The following CASP10 variants were observed in gnomAD, a reference collection of about 807,000 sequenced individuals.
CASP10 encodes the protein caspase 10, also known as caspase-10.
Under a neutral mutation model 48.5 loss-of-function variants are expected in CASP10, and 41 were observed. The ratio of observed to expected loss-of-function variants is 0.85; its 90% CI spans 0.66 to 1.10. The LOEUF (loss-of-function observed/expected upper bound fraction) is 1.10, where lower values mean the gene tolerates loss of function less well. Ranked by LOEUF, CASP10 falls within the 50% of genes least tolerant of loss-of-function variation. The pLI, the probability that CASP10 is intolerant of heterozygous loss-of-function variation, is 0.00. For missense variants in CASP10, 614 were observed against 614.5 expected (o/e 1.00, Z 0.01); for synonymous variants, 232 against 238.4 (o/e 0.97, Z 0.25).
chr2:201,222,595 G>C (rs981194675), downstream of CASP10, among the ~76,000 whole-genome samples: 1 of 152,176 alleles, frequency 6.6e-6, no homozygotes, highest in African/African-American at 2.4e-5. Context: ...AAATGTGACA[G>C]TTATTTAACT....
downstream of CASP10, among the ~76,000 whole-genome samples, chr2:201,223,933 T>TG (rs1945755580): frequency 6.6e-6 from 1 of 151,950 alleles, no homozygotes; most frequent in African/African-American, 2.4e-5. Context: ...GAGTGGCAGC[T>TG]GGGGCTACAG....
At chr2:201,195,752 A>G (rs1259657467) in intron 4 of CASP10, 90 bp from the exon 5 acceptor site, 1 of 970,142 alleles carries the variant, frequency 1.0e-6, no homozygotes, top group African/African-American at 1.6e-5. Flanking sequence ...ATCTTGGCTC[A>G]CTGCAACCTC....
At chr2:201,205,144 A>G (rs1945155256) in intron 6 of CASP10, among the ~76,000 whole-genome samples, 1 of 152,152 alleles carries the variant, frequency 6.6e-6, no homozygotes, top group Non-Finnish European at 1.5e-5. Flanking sequence ...GGGAGTTGGC[A>G]GGAACACTTC....
intron 5 of CASP10, among the ~76,000 whole-genome samples, chr2:201,199,569 CTTTTTTTTTTT>C (rs761866954): frequency 1.1e-4 from 13 of 122,518 alleles, no homozygotes; most frequent in Non-Finnish European, 1.9e-4. Context: ...CTCCTTTAAT[CTTTTTTTTTTT>C]TTTTTTTTTT....
At chr2:201,192,474 T>C (rs1471085305) in intron 3 of CASP10, among the ~76,000 whole-genome samples, 1 of 152,018 alleles carries the variant, frequency 6.6e-6, no homozygotes, top group Non-Finnish European at 1.5e-5. Context: ...TTTTAAAATA[T>C]CAAATATAAA....
At chr2:201,187,569 T>C (rs1186658581) in intron 2 of CASP10, 137 bp from the exon 3 acceptor site, 1 of 762,624 alleles carries the variant, frequency 1.3e-6, no homozygotes, top group African/African-American at 1.7e-5. Flanking sequence ...TTTTTGAACC[T>C]ATAAATGGGA....
chr2:201,223,739 A>G (rs916418683), downstream of CASP10, among the ~76,000 whole-genome samples: 1 of 152,178 alleles, frequency 6.6e-6, no homozygotes, highest in Non-Finnish European at 1.5e-5. Context: ...ATGTGATAAG[A>G]ATGTAACAAC....
At position 201,186,142 on chromosome 2, in the gene CASP10, G is replaced by A; in HGVS notation, c.347+18G>A. 6.4e-7 allele frequency: 1 copy of A among 1,572,610 alleles called. No homozygotes were observed. Among genetic ancestry groups the A allele is most frequent in the Non-Finnish European group, 8.7e-7 (1 of 1,144,568 alleles). On this transcript the variant is annotated intron_variant, in intron 2 of 9. Coordinates refer to ENST00000286186, the MANE Select transcript of CASP10 (RefSeq NM_032977.4). Reference sequence around the variant, plus strand: ...CTGTTTAGGTGAGGACGGGTCTGTGGTGGAGATGGGAGGATCTCCCATCTA... The same window carrying A: ...CTGTTTAGGTGAGGACGGGTCTGTGATGGAGATGGGAGGATCTCCCATCTA...
At chr2:201,217,389 G>A (rs982004470) in intron 9 of CASP10, among the ~76,000 whole-genome samples, 199 bp from the exon 10 acceptor site, 1 of 152,068 alleles carries the variant, frequency 6.6e-6, no homozygotes, top group Non-Finnish European at 1.5e-5. Flanking sequence ...AAGCAATATG[G>A]TGAAACCCCA....
downstream of CASP10, among the ~76,000 whole-genome samples, chr2:201,225,479 G>A (rs1009352026): frequency 6.6e-6 from 1 of 152,042 alleles, no homozygotes; most frequent in Non-Finnish European, 1.5e-5. Context: ...CATTTCCCTG[G>A]TTATATCACC....
chr2:201,206,991 C>A (rs1414267399), intron 7 of CASP10, among the ~76,000 whole-genome samples: 2 of 152,102 alleles, frequency 1.3e-5, no homozygotes, highest in Non-Finnish European at 2.9e-5. Flanking sequence ...GCTTCTCCAG[C>A]CAAACCAGGT....
intron 2 of CASP10, among the ~76,000 whole-genome samples, chr2:201,186,925 T>C (rs1944434930): frequency 1.3e-5 from 2 of 152,156 alleles, no homozygotes; most frequent in African/African-American, 4.8e-5. Flanking sequence ...TAGCCTCAAG[T>C]GATCCACGCA....
intron 2 of CASP10, chr2:201,186,478 C>T (rs936105400): frequency 9.8e-6 from 3 of 306,344 alleles, no homozygotes; most frequent in South Asian, 3.5e-5. Context: ...CTACCTGTTT[C>T]CCGGGGTCTT....
At chr2:201,207,943 A>T in intron 7 of CASP10, 132 bp from the exon 8 acceptor site, 1 of 707,688 alleles carries the variant, frequency 1.4e-6, no homozygotes, top group Non-Finnish European at 2.6e-6. Context: ...CAACAAAAAC[A>T]TGGTTTAAAC....
chr2:201,190,874 A>T (rs1248090455), intron 3 of CASP10, among the ~76,000 whole-genome samples: 3 of 151,400 alleles, frequency 2.0e-5, no homozygotes, highest in Non-Finnish European at 2.9e-5. Flanking sequence ...TATTATTATT[A>T]TTTTTAGACA....
rs182276453 is a variant in CASP10, at chr2:201,201,220, T to G, written c.685-2510T>G. On this transcript the variant is annotated intron_variant, in intron 5 of 9. Coordinates refer to ENST00000286186, the MANE Select transcript of CASP10 (RefSeq NM_032977.4). ...ACCCGCCACCATGCCTGGCTAATTT[T>G]TTTTGTATTTTTAGTAGATACAGGA... Among the ~76,000 whole-genome samples the G allele has an allele frequency of 8.0e-4, 122 of 152,036 alleles. 4 individuals are homozygous for G. The East Asian group carries it at 0.02, about 25-fold the overall frequency.
downstream of CASP10, among the ~76,000 whole-genome samples, chr2:201,223,355 G>C (rs1374984178): frequency 6.6e-6 from 1 of 152,178 alleles, no homozygotes; most frequent in South Asian, 2.1e-4. Flanking sequence ...CTCACCACAA[G>C]TGGGGGATGG....
chr2:201,214,258 G>A (rs980483227), intron 9 of CASP10: 3 of 152,126 alleles, frequency 2.0e-5, no homozygotes, highest in Non-Finnish European at 4.4e-5. Context: ...TTACCCCATC[G>A]GGTGATAATA....
rs776286352 is a variant in CASP10, at chr2:201,209,209, T to G, written c.1062T>G (p.Cys354Trp). 3 of 1,613,978 alleles carry G rather than the reference T, an allele frequency of 1.9e-6. No homozygotes were observed. The highest frequency in any genetic ancestry group is 2.5e-6 in the Non-Finnish European group (3 of 1,179,872). The change falls in exon 9 of 10, where the codon TGT becomes TGG. Residue 354 changes from cysteine to tryptophan, a missense_variant. Physicochemically the swap from Cys to Trp is radical, Grantham distance 215 (BLOSUM62 -2). Coordinates refer to ENST00000286186, the MANE Select transcript of CASP10 (RefSeq NM_032977.4). ...AHADGDCFVFCILTHGRFGAV... is the reference protein window; with the variant it reads ...AHADGDCFVFWILTHGRFGAV... ...CCGACGGGGACTGCTTCGTGTTCTG[T>G]ATTCTGACCCATGGGAGATTTGGAG...
Sources: gnomAD v4.1 joint callset for allele counts (sites outside exome capture counted in the v4.1 genomes callset) on GRCh38, gnomAD v4.1.1 for gene constraint, MANE v1.5 for transcripts, NCBI Gene and HGNC (gene_info 2026-07-23, HGNC 2026-07-21) for gene names.